Variants in PPP2R2C observed in about 807,000 individuals in gnomAD.
The protein encoded by PPP2R2C is protein phosphatase 2 regulatory subunit Bgamma.
In PPP2R2C, 10 loss-of-function variants were observed where a neutral mutation model predicts 45.3. The observed-to-expected ratio is 0.22, with a 90% CI of 0.14 to 0.37. PPP2R2C has a LOEUF of 0.37. PPP2R2C is among the 10% of genes least tolerant of loss of function. PPP2R2C has a pLI of 1.00. For missense variants in PPP2R2C, 308 were observed against 619.7 expected, an observed-to-expected ratio of 0.50 and a Z score of 5.34; for synonymous variants, 257 against 245.4, an observed-to-expected ratio of 1.05 and a Z score of -0.44.
intron 2 of PPP2R2C, among the ~76,000 whole-genome samples, chr4:6,527,394 C>A (rs1261986388): frequency 6.6e-6 from 1 of 152,106 alleles, no homozygotes; most frequent in Non-Finnish European, 1.5e-5. Flanking sequence ...CAGTGCCAGG[C>A]GGAACAGAAC....
chr4:6,419,621 T>A (rs1365115793), intron 1 of PPP2R2C, among the ~76,000 whole-genome samples: 1 of 152,168 alleles, frequency 6.6e-6, no homozygotes, highest in Non-Finnish European at 1.5e-5. Context: ...GGGCCTGGGA[T>A]GTGTCTGGGT....
intron 1 of PPP2R2C, among the ~76,000 whole-genome samples, chr4:6,398,906 A>G (rs1717233919): frequency 6.6e-6 from 1 of 152,236 alleles, no homozygotes; most frequent in Admixed American, 6.5e-5. Context: ...AATTCTCCTC[A>G]AAGAAAAAGG....
intron 2 of PPP2R2C, among the ~76,000 whole-genome samples, chr4:6,512,169 G>A: frequency 1.2e-5 from 1 of 86,766 alleles, no homozygotes; most frequent in African/African-American, 5.6e-5. Context: ...TGATGGTGGT[G>A]ATGGTGCTGA....
At chr4:6,459,290 G>A (rs35139046) in intron 1 of PPP2R2C, among the ~76,000 whole-genome samples, 41,788 of 150,758 alleles carry the variant, frequency 0.28, 6,362 homozygotes, top group East Asian at 0.42. Context: ...CTCTGCATGT[G>A]CCTCTCCACA....
intron 1 of PPP2R2C, among the ~76,000 whole-genome samples, chr4:6,388,141 C>G (rs1027233628): frequency 6.6e-6 from 1 of 152,220 alleles, no homozygotes; most frequent in Non-Finnish European, 1.5e-5. Flanking sequence ...TGTCCTTCCC[C>G]CCCTGAGGTG....
At chr4:6,535,478 GC>G in intron 1 of PPP2R2C, 1 of 780,664 alleles carries the variant, frequency 1.3e-6, no homozygotes, top group Non-Finnish European at 2.0e-6. Flanking sequence ...ACCCACGGCC[GC>G]CCTGGCCGCC....
At chr4:6,425,737 G>A (rs1172460809) in intron 1 of PPP2R2C, among the ~76,000 whole-genome samples, 3 of 152,156 alleles carry the variant, frequency 2.0e-5, no homozygotes, top group African/African-American at 2.4e-5. Flanking sequence ...GAATCCTCCC[G>A]GGTGCTAGAA....
intron 1 of PPP2R2C, among the ~76,000 whole-genome samples, chr4:6,399,255 A>G (rs1052551060): frequency 2.6e-5 from 4 of 152,234 alleles, no homozygotes; most frequent in African/African-American, 9.6e-5. Context: ...TGTACTTAGT[A>G]AAGCTTTGAA....
At chr4:6,403,283 G>C (rs1357485060) in intron 1 of PPP2R2C, among the ~76,000 whole-genome samples, 3 of 152,250 alleles carry the variant, frequency 2.0e-5, no homozygotes, top group Non-Finnish European at 4.4e-5. Flanking sequence ...CGGAGCCTCA[G>C]AGACAGAAAT....
chr4:6,452,552 G>A (rs1720795463), intron 1 of PPP2R2C, among the ~76,000 whole-genome samples: 1 of 152,226 alleles, frequency 6.6e-6, no homozygotes. Context: ...CCAGAGGGCT[G>A]TGCGCCCTGC....
At position 6,409,446 on chromosome 4, in the gene PPP2R2C, G is replaced by C. The variant is rs565672964; in HGVS notation, c.71-28352C>G. ...GCCAGGCACCAGGCCCACCAGCATGGAGCGGAGGAACCGAGAACCCCACGC... is the reference window on the plus strand; with the variant it reads ...GCCAGGCACCAGGCCCACCAGCATGCAGCGGAGGAACCGAGAACCCCACGC... On this transcript the variant is annotated intron_variant, in intron 1 of 8. Transcript: ENST00000382599. 5.9e-5 allele frequency among the ~76,000 whole-genome samples: 9 copies of C among 152,288 alleles called. No individual in the cohort carries two copies. In the South Asian group the frequency reaches 1.9e-3, roughly 32 times the overall value.
chr4:6,347,810 A>G (rs1712140451), intron 6 of PPP2R2C, 36 bp downstream of exon 6: 3 of 1,060,816 alleles, frequency 2.8e-6, no homozygotes, highest in Non-Finnish European at 4.0e-6. Context: ...CGCCTGCCCA[A>G]TGCACAGCCC....
At chr4:6,438,893 T>G (rs16838844) in intron 1 of PPP2R2C, among the ~76,000 whole-genome samples, 82,685 of 151,998 alleles carry the variant, frequency 0.54, 23,517 homozygotes, top group Non-Finnish European at 0.65. Context: ...TATCCAGGTG[T>G]TCCCTGACAC....
At chr4:6,506,525 T>C (rs1254400148) in intron 2 of PPP2R2C, among the ~76,000 whole-genome samples, 1 of 152,164 alleles carries the variant, frequency 6.6e-6, no homozygotes, top group East Asian at 1.9e-4. Context: ...CTCTGAGAAG[T>C]GACTTCAAAG....
At chr4:6,520,107 T>C (rs879583753) in intron 2 of PPP2R2C, among the ~76,000 whole-genome samples, 11 of 152,012 alleles carry the variant, frequency 7.2e-5, no homozygotes, top group East Asian at 1.9e-4. Flanking sequence ...ATCAGATTCA[T>C]AGGTTAGACC....
intron 1 of PPP2R2C, among the ~76,000 whole-genome samples, chr4:6,469,768 G>A (rs1448306549): frequency 6.6e-6 from 1 of 152,226 alleles, no homozygotes; most frequent in Non-Finnish European, 1.5e-5. Flanking sequence ...CCTGTGCTCT[G>A]AGCATGAAAT....
chr4:6,377,986 G>A (rs1004168036), intron 3 of PPP2R2C, among the ~76,000 whole-genome samples: 8 of 152,350 alleles, frequency 5.3e-5, no homozygotes, highest in East Asian at 1.9e-4. Context: ...TGGATTCGGC[G>A]TGGGGAGGAG....
At chr4:6,342,081 TACACACACACACACACACAC>T (rs58305750) in intron 6 of PPP2R2C, among the ~76,000 whole-genome samples, 26 of 139,716 alleles carry the variant, frequency 1.9e-4, no homozygotes, top group South Asian at 1.3e-3. Context: ...TCTGCCACGA[TACACACACACACACACACAC>T]ACACACACAC....
At chr4:6,395,740 CT>C (rs1160411611) in intron 1 of PPP2R2C, among the ~76,000 whole-genome samples, 2 of 152,220 alleles carry the variant, frequency 1.3e-5, no homozygotes, top group Non-Finnish European at 2.9e-5. Flanking sequence ...CCTCCAGAGG[CT>C]CGCTTTCCTC....
Sources: gnomAD v4.1 joint callset for allele counts (sites outside exome capture counted in the v4.1 genomes callset) on GRCh38, gnomAD v4.1.1 for gene constraint, MANE v1.5 for transcripts, NCBI Gene and HGNC (gene_info 2026-07-23, HGNC 2026-07-21) for gene names.